The following USP15 variants were observed in gnomAD, a reference collection of about 807,000 sequenced individuals.
The protein encoded by USP15 is ubiquitin carboxyl-terminal hydrolase 15.
A neutral mutation model predicts 127.1 loss-of-function variants in USP15; 18 were observed. That is an observed-to-expected ratio of 0.14 (90% CI 0.10 to 0.21). The LOEUF is 0.21. Ranked by LOEUF, USP15 falls within the 10% of genes least tolerant of loss-of-function variation. The pLI is 1.00. For synonymous variants in USP15, 364 were observed against 393.7 expected (o/e 0.92, Z 0.89); for missense variants, 805 against 1,159.9 (o/e 0.69, Z 4.44).
chr12:62,335,541 C>G (rs975023334), intron 6 of USP15: 12 of 1,094,660 alleles, frequency 1.1e-5, no homozygotes, highest in Non-Finnish European at 1.2e-5. Context: ...ATTATCTCCT[C>G]TCTCCTACAT....
At chr12:62,266,068 G>T (rs1391477657) in intron 1 of USP15, among the ~76,000 whole-genome samples, 1 of 152,132 alleles carries the variant, frequency 6.6e-6, no homozygotes, top group Non-Finnish European at 1.5e-5. Context: ...ATTGATAGGT[G>T]AATAATTGAA....
Position 62,386,455 on chromosome 12 carries a change from G to A in USP15, c.1473+2153G>A, listed in dbSNP as rs2067151802. ...CTTCAAGAAGCTTGTCATACAGTGT[G>A]AAAATTGCTCTGACAGGGTGCTGCA... On this transcript the variant is annotated intron_variant, in intron 11 of 21. Coordinates refer to ENST00000280377, the MANE Select transcript of USP15 (RefSeq NM_001252078.2). Among the ~76,000 whole-genome samples the A allele has an allele frequency of 3.3e-5, 5 of 152,054 alleles. No homozygotes were observed. In the South Asian group the frequency reaches 1.0e-3, roughly 31 times the overall value.
chr12:62,404,674 A>G lies in USP15; in HGVS notation c.*299A>G, dbSNP rs1184769601. 19 of 180,178 alleles carry G rather than the reference A, an allele frequency of 1.1e-4. No homozygotes were observed. The highest frequency in any genetic ancestry group is 8.0e-5 in the Non-Finnish European group (7 of 88,036). The allele number at this position is 180,178 out of a possible 1,614,324, so 11.2% of individuals were successfully genotyped here. On this transcript the variant is annotated 3_prime_UTR_variant, in exon 22 of 22. Coordinates refer to ENST00000280377, the MANE Select transcript of USP15 (RefSeq NM_001252078.2). ...GTTTTGATTAATTATGTTTCCTTTA[A>G]TTTTTTGGATGTGAGTTGATGACAA... is the stretch of plus-strand genomic sequence containing the variant.
At chr12:62,286,462 A>C (rs1460017127) in intron 1 of USP15, among the ~76,000 whole-genome samples, 6 of 152,228 alleles carry the variant, frequency 3.9e-5, no homozygotes, top group Admixed American at 2.0e-4. Flanking sequence ...GAAAGAAAGC[A>C]GTTTGGAGAT....
chr12:62,322,316 T>C (rs2065006786), intron 5 of USP15, among the ~76,000 whole-genome samples: 2 of 152,186 alleles, frequency 1.3e-5, no homozygotes, highest in South Asian at 4.2e-4. Flanking sequence ...ATAGTAGAGA[T>C]GGGGTTTCAT....
chr12:62,334,174 T>C (rs1044791728), intron 6 of USP15: 2 of 152,262 alleles, frequency 1.3e-5, no homozygotes, highest in Non-Finnish European at 2.9e-5. Flanking sequence ...CCAATTTTGG[T>C]ATATGTGCTG....
In USP15 at chr12:62,400,671, A is replaced by G. The variant is rs1460724033; in HGVS notation, c.2675-516A>G. ...TAGAGGTATCAGAAAAGAAATCGTCATAGAAAATTTAATAATAAGTTGAAA... is the reference window on the plus strand; with the variant it reads ...TAGAGGTATCAGAAAAGAAATCGTCGTAGAAAATTTAATAATAAGTTGAAA... On this transcript the variant is annotated intron_variant, in intron 20 of 21. Transcript: ENST00000280377. 2.6e-5 allele frequency among the ~76,000 whole-genome samples: 4 copies of G among 152,020 alleles called. No individual in the cohort carries two copies. In the East Asian group the frequency reaches 7.7e-4, roughly 29 times the overall value.
intron 1 of USP15, 101 bp from the exon 2 acceptor site, chr12:62,294,078 T>A (rs2064057151): frequency 1.6e-6 from 2 of 1,242,746 alleles, no homozygotes; most frequent in Non-Finnish European, 2.2e-6. Context: ...TTGAAGTAGA[T>A]ATGTCTTTTA....
intron 8 of USP15, among the ~76,000 whole-genome samples, chr12:62,357,465 C>T (rs2066166939): frequency 6.6e-6 from 1 of 152,046 alleles, no homozygotes; most frequent in Non-Finnish European, 1.5e-5. Context: ...AGCTCTATTG[C>T]AGACACTCCT....
At chr12:62,349,478 A>C (rs1383470336) in intron 7 of USP15, among the ~76,000 whole-genome samples, 171 bp downstream of exon 7, 2 of 152,056 alleles carry the variant, frequency 1.3e-5, no homozygotes, top group South Asian at 4.1e-4. Context: ...AAGCAATTAA[A>C]TTGCTTCTTG....
intron 1 of USP15, among the ~76,000 whole-genome samples, chr12:62,261,592 A>G (rs543818565): frequency 8.5e-5 from 13 of 152,342 alleles, no homozygotes; most frequent in Admixed American, 8.5e-4. Flanking sequence ...GTTAATTTAA[A>G]TCATTGCACC....
chr12:62,302,357 T>C (rs2064343268), intron 2 of USP15, among the ~76,000 whole-genome samples: 2 of 152,216 alleles, frequency 1.3e-5, no homozygotes, highest in Non-Finnish European at 1.5e-5. Context: ...CTCCATAGTA[T>C]TTTTTAAAGA....
chr12:62,260,531 G>A lies in USP15; in HGVS notation c.89+28G>A, dbSNP rs779552011. ...AAGAGAAAGGGGTTGAGATGCCCGC[G>A]GTTGCCCGAGGATAGTGGAGAAGTG... On this transcript the variant is annotated intron_variant, in intron 1 of 21. Transcript: ENST00000280377. The A allele has an allele frequency of 1.2e-5, 18 of 1,545,302 alleles. No individual in the cohort carries two copies. In the African/African-American group the frequency reaches 1.4e-4, roughly 12 times the overall value.
chr12:62,348,260 A>C (rs1286870485), intron 6 of USP15, among the ~76,000 whole-genome samples: 1 of 152,194 alleles, frequency 6.6e-6, no homozygotes, highest in African/African-American at 2.4e-5. Flanking sequence ...TATATTTAAA[A>C]AATTTTATTG....
At chr12:62,390,435 T>G (rs973496378) in intron 14 of USP15, among the ~76,000 whole-genome samples, 1 of 152,148 alleles carries the variant, frequency 6.6e-6, no homozygotes, top group Non-Finnish European at 1.5e-5. Context: ...ATCCCTTGAT[T>G]TGAATTATGA....
intron 6 of USP15, among the ~76,000 whole-genome samples, chr12:62,337,853 T>C (rs1033157742): frequency 6.6e-6 from 1 of 152,226 alleles, no homozygotes; most frequent in African/African-American, 2.4e-5. Context: ...GGTGTATATG[T>C]GCCACATTTT....
chr12:62,390,075 T>A, intron 14 of USP15, 87 bp downstream of exon 14: 2 of 1,271,178 alleles, frequency 1.6e-6, no homozygotes, highest in Non-Finnish European at 2.1e-6. Context: ...TAAGGTACTA[T>A]TGGAATATAA....
At chr12:62,272,455 A>G (rs543810222) in intron 1 of USP15, among the ~76,000 whole-genome samples, 2 of 152,124 alleles carry the variant, frequency 1.3e-5, no homozygotes, top group African/African-American at 2.4e-5. Flanking sequence ...GTACAAATCA[A>G]TAACAACAAA....
intron 8 of USP15, among the ~76,000 whole-genome samples, chr12:62,356,687 A>G (rs2066142062): frequency 1.3e-5 from 2 of 152,034 alleles, no homozygotes; most frequent in South Asian, 4.1e-4. Context: ...TGCTCATAGT[A>G]TAGTGTGAAT....
Sources: gnomAD v4.1 joint callset for allele counts (sites outside exome capture counted in the v4.1 genomes callset) on GRCh38, gnomAD v4.1.1 for gene constraint, MANE v1.5 for transcripts, NCBI Gene and HGNC (gene_info 2026-07-23, HGNC 2026-07-21) for gene names.